CDH13: variants seen among roughly 807,000 people sequenced by gnomAD.
The protein encoded by CDH13 is cadherin 13.
CDH13 carries 24 observed loss-of-function variants against 63.8 expected under a neutral mutation model. That is an observed-to-expected ratio of 0.38 (90% CI 0.27 to 0.53). CDH13 has a LOEUF of 0.53. CDH13 is among the 20% of genes least tolerant of loss of function. CDH13 has a pLI of 0.85. For synonymous variants in CDH13, 503 were observed against 355.3 expected (o/e 1.42, Z -4.67); for missense variants, 1,049 against 903.1 (o/e 1.16, Z -2.07).
chr16:83,604,240 A>C (rs1908117853), intron 8 of CDH13, among the ~76,000 whole-genome samples: 1 of 152,024 alleles, frequency 6.6e-6, no homozygotes, highest in Non-Finnish European at 1.5e-5. Flanking sequence ...AAAACAGCAA[A>C]GTCCACGGGA....
At position 83,019,775 on chromosome 16, in the gene CDH13, C is replaced by T. The variant is rs1340499909; in HGVS notation, c.158-12235C>T. On this transcript the variant is annotated intron_variant, in intron 2 of 13. Coordinates refer to ENST00000567109, the MANE Select transcript of CDH13 (RefSeq NM_001257.5). ...CCTCCCAAAGTGCTGGGATTACAAGCGTGAGCCACCATGCCCGGCCAGTAA... is the reference window on the plus strand; with the variant it reads ...CCTCCCAAAGTGCTGGGATTACAAGTGTGAGCCACCATGCCCGGCCAGTAA... 4.1e-5 allele frequency among the ~76,000 whole-genome samples: 6 copies of T among 146,288 alleles called. No individual in the cohort carries two copies. In the East Asian group the frequency reaches 1.2e-3, roughly 30 times the overall value.
intron 8 of CDH13, among the ~76,000 whole-genome samples, chr16:83,628,536 C>G (rs114702406): frequency 1.4e-4 from 21 of 151,996 alleles, no homozygotes; most frequent in Admixed American, 1.3e-3. Context: ...GAGGAAGTGT[C>G]GTACATCTTT....
intron 2 of CDH13, among the ~76,000 whole-genome samples, chr16:82,892,389 T>A (rs7192482): frequency 0.33 from 50,501 of 152,078 alleles, 9,016 homozygotes; most frequent in Non-Finnish European, 0.39. Flanking sequence ...ATTTGACTGT[T>A]TTCAAAAGTC....
intron 1 of CDH13, chr16:82,639,344 C>T (rs1019561501): frequency 1.3e-6 from 2 of 1,522,080 alleles, no homozygotes; most frequent in East Asian, 2.5e-5. Flanking sequence ...GTCTCCATGT[C>T]CTTGCTTTTG....
At chr16:83,633,525 T>G (rs564430671) in intron 8 of CDH13, among the ~76,000 whole-genome samples, 4 of 152,330 alleles carry the variant, frequency 2.6e-5, no homozygotes, top group Admixed American at 2.6e-4. Flanking sequence ...AGGAGTTTGT[T>G]TTCATGTTGC....
At chr16:83,777,974 A>C (rs1915236770) in intron 11 of CDH13, among the ~76,000 whole-genome samples, 1 of 152,248 alleles carries the variant, frequency 6.6e-6, no homozygotes, top group South Asian at 2.1e-4. Context: ...CCAAGAGGCC[A>C]AGAAACGATT....
chr16:83,203,467 A>C (rs572147897), intron 4 of CDH13, among the ~76,000 whole-genome samples: 11 of 152,006 alleles, frequency 7.2e-5, no homozygotes, highest in African/African-American at 2.4e-4. Context: ...CGGGCGGATC[A>C]TGAGGTTAGG....
At chr16:83,532,564 G>A (rs974672555) in intron 7 of CDH13, among the ~76,000 whole-genome samples, 1 of 152,202 alleles carries the variant, frequency 6.6e-6, no homozygotes, top group Non-Finnish European at 1.5e-5. Context: ...GTGCATGGTA[G>A]CTTCTCCATA....
chr16:83,703,536 G>A (rs377338883), intron 10 of CDH13, among the ~76,000 whole-genome samples: 3 of 152,194 alleles, frequency 2.0e-5, no homozygotes, highest in Non-Finnish European at 4.4e-5. Flanking sequence ...TAAACGGTAC[G>A]ATTCCAATTA....
intron 7 of CDH13, among the ~76,000 whole-genome samples, chr16:83,545,427 A>C (rs2075369221): frequency 1.3e-5 from 2 of 152,154 alleles, no homozygotes; most frequent in Non-Finnish European, 2.9e-5. Context: ...CCAGAGGAGG[A>C]TTTGCAGATT....
chr16:83,488,105 G>C (rs1469545675), intron 7 of CDH13, among the ~76,000 whole-genome samples: 1 of 152,210 alleles, frequency 6.6e-6, no homozygotes, highest in Non-Finnish European at 1.5e-5. Flanking sequence ...CAATTTTAAA[G>C]TATATTAATT....
intron 10 of CDH13, among the ~76,000 whole-genome samples, chr16:83,686,346 C>T (rs748449146): frequency 1.1e-4 from 16 of 152,192 alleles, no homozygotes; most frequent in Non-Finnish European, 2.1e-4. Context: ...CCAGAGCTTC[C>T]TCAGTACCAT....
In CDH13 at chr16:83,592,138, C is replaced by T. The variant is rs991694243; in HGVS notation, c.961-10316C>T. Reference sequence around the variant, plus strand: ...CTCATCAGGGTGTTGGTCTCTCCCACGGGACTTGATTCCTGTTACTTCTTC... The same window carrying T: ...CTCATCAGGGTGTTGGTCTCTCCCATGGGACTTGATTCCTGTTACTTCTTC... On this transcript the variant is annotated intron_variant, in intron 7 of 13. Transcript: ENST00000567109. Among the ~76,000 whole-genome samples, 4 of 152,186 alleles carry T rather than the reference C, an allele frequency of 2.6e-5. No individual in the cohort carries two copies. The East Asian group carries it at 7.7e-4, about 29-fold the overall frequency.
intron 1 of CDH13, among the ~76,000 whole-genome samples, chr16:82,716,469 G>T (rs2032379958): frequency 6.6e-6 from 1 of 151,550 alleles, no homozygotes; most frequent in African/African-American, 2.4e-5. Context: ...AGAGCCAAAA[G>T]AAAATCCAGA....
chr16:82,994,850 T>A (rs1912031920), intron 2 of CDH13, among the ~76,000 whole-genome samples: 2 of 152,130 alleles, frequency 1.3e-5, no homozygotes, highest in Admixed American at 6.5e-5. Flanking sequence ...AGTAAAGTGG[T>A]TAAGAGAATA....
chr16:83,064,863 A>G lies in CDH13; in HGVS notation c.366+32645A>G, dbSNP rs567915615. Among the ~76,000 whole-genome samples, 107 of 152,178 alleles carry G rather than the reference A, an allele frequency of 7.0e-4. 1 individual carries two copies. Among genetic ancestry groups the G allele is most frequent in the African/African-American group, 2.6e-3 (107 of 41,538 alleles). Reference sequence around the variant, plus strand: ...TTACCTATCCTTTTTTTGCTGAGACATTTGAAATTGACTCTCTTAGTTATT... The same window carrying G: ...TTACCTATCCTTTTTTTGCTGAGACGTTTGAAATTGACTCTCTTAGTTATT... On this transcript the variant is annotated intron_variant, in intron 3 of 13. Transcript: ENST00000567109.
intron 4 of CDH13, among the ~76,000 whole-genome samples, chr16:83,167,049 A>G (rs2037707104): frequency 1.3e-5 from 2 of 152,148 alleles, no homozygotes; most frequent in Non-Finnish European, 2.9e-5. Flanking sequence ...TAAACATACT[A>G]TATAAGAAAA....
At chr16:83,227,781 C>G (rs1470148721) in intron 5 of CDH13, among the ~76,000 whole-genome samples, 1 of 152,118 alleles carries the variant, frequency 6.6e-6, no homozygotes, top group Non-Finnish European at 1.5e-5. Flanking sequence ...CCAGGCAGTG[C>G]AGACTCGGCA....
chr16:83,503,467 C>T (rs532257561), intron 7 of CDH13, among the ~76,000 whole-genome samples: 3 of 151,920 alleles, frequency 2.0e-5, no homozygotes, highest in African/African-American at 7.3e-5. Context: ...AGAAGGAGGC[C>T]GGAAGGGGAA....
Sources: allele counts gnomAD v4.1 joint callset (sites outside exome capture counted in the v4.1 genomes callset), GRCh38; gene constraint gnomAD v4.1.1; transcripts MANE v1.5; gene names NCBI Gene and HGNC (gene_info 2026-07-23, HGNC 2026-07-21).